AHCYL2: variants seen among roughly 807,000 people sequenced by gnomAD.
AHCYL2 encodes the protein S-adenosylhomocysteine hydrolase-like protein 2.
AHCYL2 carries 28 observed loss-of-function variants against 81.4 expected under a neutral mutation model. The observed-to-expected ratio is 0.34, with a 90% CI of 0.25 to 0.47. The LOEUF is 0.47. AHCYL2 is among the 20% of genes least tolerant of loss of function. The pLI is 1.00. For synonymous variants in AHCYL2, 272 were observed against 290.2 expected (o/e 0.94, Z 0.64); for missense variants, 551 against 785.1 (o/e 0.70, Z 3.56).
chr7:129,293,083 G>A (rs911723384), intron 1 of AHCYL2, among the ~76,000 whole-genome samples: 2 of 152,076 alleles, frequency 1.3e-5, no homozygotes, highest in Non-Finnish European at 2.9e-5. Flanking sequence ...CTGAGTAGCT[G>A]TGATTATAGG....
At chr7:129,260,930 A>G (rs1323775676) in intron 1 of AHCYL2, among the ~76,000 whole-genome samples, 1 of 152,150 alleles carries the variant, frequency 6.6e-6, no homozygotes, top group East Asian at 1.9e-4. Flanking sequence ...CTGGGATTAC[A>G]GGCGTACGCC....
chr7:129,389,863 C>A, intron 4 of AHCYL2, 129 bp downstream of exon 4: 3 of 636,750 alleles, frequency 4.7e-6, no homozygotes, highest in Non-Finnish European at 5.0e-6. Flanking sequence ...CTTATAATGG[C>A]CATATAAAGC....
intron 1 of AHCYL2, among the ~76,000 whole-genome samples, chr7:129,326,461 G>T (rs938974781): frequency 3.3e-5 from 5 of 152,108 alleles, no homozygotes; most frequent in African/African-American, 1.2e-4. Flanking sequence ...AGGAGGCAGA[G>T]GTTGCAGTGA....
intron 1 of AHCYL2, among the ~76,000 whole-genome samples, chr7:129,336,540 G>C (rs1312881701): frequency 2.0e-5 from 3 of 152,068 alleles, no homozygotes; most frequent in Non-Finnish European, 4.4e-5. Flanking sequence ...TTATGCACAG[G>C]AGTTTGGACC....
chr7:129,373,796 G>A (rs1219466061), intron 1 of AHCYL2, among the ~76,000 whole-genome samples: 1 of 152,268 alleles, frequency 6.6e-6, no homozygotes, highest in Non-Finnish European at 1.5e-5. Context: ...TAGTACATGC[G>A]GACTGGGGTG....
intron 2 of AHCYL2, among the ~76,000 whole-genome samples, chr7:129,386,861 A>G (rs1224934319): frequency 1.3e-5 from 2 of 152,168 alleles, no homozygotes; most frequent in African/African-American, 4.8e-5. Context: ...AAAAAAGATA[A>G]ACTGCTAAAT....
At chr7:129,309,460 A>C (rs1349431713) in intron 1 of AHCYL2, among the ~76,000 whole-genome samples, 1 of 151,858 alleles carries the variant, frequency 6.6e-6, no homozygotes, top group Non-Finnish European at 1.5e-5. Flanking sequence ...GGATCACTTG[A>C]GCCTAGGAGT....
intron 1 of AHCYL2, among the ~76,000 whole-genome samples, chr7:129,277,278 C>CG (rs35753023): frequency 0.23 from 31,697 of 135,740 alleles, 4,082 homozygotes; most frequent in South Asian, 0.31. Context: ...AAGTCTCTCT[C>CG]TTTTTTTTTT....
chr7:129,253,663 G>A (rs1333141648), intron 1 of AHCYL2, among the ~76,000 whole-genome samples: 1 of 152,044 alleles, frequency 6.6e-6, no homozygotes, highest in Non-Finnish European at 1.5e-5. Context: ...CCTGGTTGGG[G>A]TGCAGTGGTT....
At chr7:129,267,230 G>GGTGTGTGTGTGTGTAT (rs1554472002) in intron 1 of AHCYL2, among the ~76,000 whole-genome samples, 6,812 of 59,094 alleles carry the variant, frequency 0.12, 228 homozygotes, top group South Asian at 0.24. Flanking sequence ...TCACTCAAGG[G>GGTGTGTGTGTGTGTAT]GTGTGTGTGT....
intron 7 of AHCYL2, 124 bp from the exon 8 acceptor site, chr7:129,404,973 T>C: frequency 1.9e-6 from 1 of 535,154 alleles, no homozygotes. Context: ...CCTAACAGGA[T>C]GAAACTAGTC....
At chr7:129,372,594 G>A (rs1794462385) in intron 1 of AHCYL2, among the ~76,000 whole-genome samples, 1 of 152,124 alleles carries the variant, frequency 6.6e-6, no homozygotes, top group South Asian at 2.1e-4. Flanking sequence ...GATCACCTGA[G>A]GTCAGGAGTT....
intron 1 of AHCYL2, among the ~76,000 whole-genome samples, chr7:129,365,256 T>G (rs537034534): frequency 2.6e-4 from 39 of 152,218 alleles, no homozygotes; most frequent in African/African-American, 9.2e-4. Flanking sequence ...CCTTTAAATA[T>G]TTGAAAAAGT....
intron 1 of AHCYL2, among the ~76,000 whole-genome samples, chr7:129,233,372 G>A (rs758223845): frequency 4.6e-5 from 7 of 151,872 alleles, no homozygotes; most frequent in Non-Finnish European, 7.4e-5. Flanking sequence ...TTGTAGAGAC[G>A]GTATCTTGCC....
At chr7:129,381,511 C>CATT (rs989578144) in intron 2 of AHCYL2, among the ~76,000 whole-genome samples, 1 of 152,072 alleles carries the variant, frequency 6.6e-6, no homozygotes, top group Non-Finnish European at 1.5e-5. Flanking sequence ...AATTGTCTAC[C>CATT]TAATGTATCT....
rs895353395 is a variant in AHCYL2 at position 129,316,854 on chromosome 7, A to G, written c.364-62784A>G. Among the ~76,000 whole-genome samples the G allele has an allele frequency of 3.3e-5, 5 of 152,224 alleles. No homozygotes were observed. The East Asian group carries it at 5.8e-4, about 18-fold the overall frequency. ...CAACAACAACAACAGATGAAATCCTATTGAAACGAATGTTTCCTTTCACAA... is the reference window on the plus strand; with the variant it reads ...CAACAACAACAACAGATGAAATCCTGTTGAAACGAATGTTTCCTTTCACAA... On this transcript the variant is annotated intron_variant, in intron 1 of 16. Coordinates refer to ENST00000325006, the MANE Select transcript of AHCYL2 (RefSeq NM_015328.4).
chr7:129,275,797 A>C (rs1271702293), intron 1 of AHCYL2, among the ~76,000 whole-genome samples: 4 of 152,152 alleles, frequency 2.6e-5, no homozygotes, highest in Non-Finnish European at 5.9e-5. Flanking sequence ...AAAATGGAAA[A>C]ATTTAACATG....
chr7:129,405,955 C>G (rs2150939778), intron 9 of AHCYL2, 56 bp downstream of exon 9: 1 of 1,559,870 alleles, frequency 6.4e-7, no homozygotes, highest in Middle Eastern at 1.7e-4. Context: ...TTGAAATATT[C>G]TGGAATTTTT....
At chr7:129,290,493 T>A (rs2150750081) in intron 1 of AHCYL2, among the ~76,000 whole-genome samples, 1 of 143,516 alleles carries the variant, frequency 7.0e-6, no homozygotes, top group African/African-American at 2.6e-5. Flanking sequence ...AGAGTGAGAC[T>A]CTGTCTCAAA....
Sources: gnomAD v4.1 joint callset for allele counts (sites outside exome capture counted in the v4.1 genomes callset) on GRCh38, gnomAD v4.1.1 for gene constraint, MANE v1.5 for transcripts, NCBI Gene and HGNC (gene_info 2026-07-23, HGNC 2026-07-21) for gene names.